Variants in CLSPN observed in about 807,000 individuals in gnomAD.
CLSPN encodes claspin.
A neutral mutation model predicts 156.3 loss-of-function variants in CLSPN; 85 were observed. That is an observed-to-expected ratio of 0.54 (90% CI 0.46 to 0.65). CLSPN has a LOEUF of 0.65. CLSPN is among the 30% of genes least tolerant of loss of function. CLSPN has a pLI of 0.00. For missense variants in CLSPN, 1,407 were observed against 1,554.9 expected, an observed-to-expected ratio of 0.90 and a Z score of 1.60; for synonymous variants, 534 against 542.4, an observed-to-expected ratio of 0.98 and a Z score of 0.22.
In CLSPN at chr1:35,748,449, A is replaced by T; in HGVS notation, c.2428T>A (p.Ser810Thr). 1 of 1,614,084 alleles carries T rather than the reference A, an allele frequency of 6.2e-7. No homozygotes were observed. The highest frequency in any genetic ancestry group is 8.5e-7 in the Non-Finnish European group (1 of 1,180,008). The change falls in exon 13 of 25, where the codon TCC (serine) becomes ACC (threonine). Residue 810 changes from serine (S) to threonine (T), a missense_variant. This residue lies in a region of CLSPN where 1,096 missense variants were observed against 1,193.0 expected (regional missense o/e 0.92). Transcript: ENST00000318121. ...FPTAGGFRSP[S>T]PGLFRASLVS... ...AAACTGGCTCGAAATAGCCCAGGGG[A>T]AGGAGATCTGAATCCTCCTGCTGTA... is the stretch of plus-strand genomic sequence containing the variant.
In CLSPN at chr1:35,735,748, T is replaced by C. The variant is rs1641445476; in HGVS notation, c.*748A>G. 2 of 984,730 alleles carry C rather than the reference T, an allele frequency of 2.0e-6. No individual in the cohort carries two copies. Among genetic ancestry groups the C allele is most frequent in the African/African-American group, 3.5e-5 (2 of 57,258 alleles). The allele number at this position is 984,730 out of a possible 1,614,324, so 61.0% of individuals were successfully genotyped here. A position where few individuals can be genotyped will look rare whatever the true frequency, so the allele number is the denominator to read the frequency against. ...TCTTTCTTTCACCGAGCCCTGGTCA[T>C]CATGGTACGTATCTCATGGGTGTAA... On this transcript the variant is annotated 3_prime_UTR_variant, in exon 25 of 25. Transcript: ENST00000318121.
At position 35,754,512 on chromosome 1, in the gene CLSPN, T is replaced by C. The variant is rs530624117; in HGVS notation, c.1580-576A>G. The stretch of plus-strand genomic sequence containing the variant: ...GGTGAGCACCACCATGCCCAGCTAA[T>C]TTTTTTGTATTTTTAGTAGAGACAG... On this transcript the variant is annotated intron_variant, in intron 8 of 24. Coordinates refer to ENST00000318121, the MANE Select transcript of CLSPN (RefSeq NM_022111.4). 3.3e-5 allele frequency among the ~76,000 whole-genome samples: 5 copies of C among 152,142 alleles called. No individual in the cohort carries two copies. In the South Asian group the frequency reaches 1.0e-3, roughly 32 times the overall value.
At chr1:35,743,416 G>A (rs1641763699) in intron 17 of CLSPN, 39 bp downstream of exon 17, 7 of 1,531,980 alleles carry the variant, frequency 4.6e-6, no homozygotes, top group Non-Finnish European at 6.3e-6. Context: ...AGCAATACAT[G>A]GAGCTCAGTT....
exon 25 of CLSPN, chr1:35,720,820 A>G: frequency 9.2e-7 from 1 of 1,085,154 alleles, no homozygotes; most frequent in Non-Finnish European, 1.4e-6. Flanking sequence ...ACAGAGCCAT[A>G]AAGTCATCAA....
intron 6 of CLSPN, 33 bp downstream of exon 6, chr1:35,761,965 G>C (rs756959374): frequency 1.3e-6 from 2 of 1,491,274 alleles, no homozygotes; most frequent in African/African-American, 1.4e-5. Context: ...GAAATGTTGT[G>C]ATTTTGCCTC....
chr1:35,756,062 T>C (rs1642262422), intron 8 of CLSPN, among the ~76,000 whole-genome samples: 1 of 152,194 alleles, frequency 6.6e-6, no homozygotes, highest in Non-Finnish European at 1.5e-5. Flanking sequence ...AGATGTGTTT[T>C]TTTCCTCTAG....
intron 16 of CLSPN, among the ~76,000 whole-genome samples, chr1:35,743,738 A>G (rs554343294): frequency 2.1e-4 from 32 of 152,046 alleles, no homozygotes; most frequent in East Asian, 1.2e-3. Flanking sequence ...ATCCTCCCAC[A>G]TCAGCCTCCT....
Position 35,735,307 on chromosome 1 carries a change from A to T in CLSPN, c.*1189T>A. ...TTTAAGTCCTTATTAAGCAGCAAAA[A>T]TTAATTCAAAATTTGATGCTGCCTT... is the stretch of plus-strand genomic sequence containing the variant. On this transcript the variant is annotated 3_prime_UTR_variant, in exon 25 of 25. Transcript: ENST00000318121. 3.1e-6 allele frequency: 3 copies of T among 980,822 alleles called. No individual in the cohort carries two copies. 60.8% of individuals were successfully genotyped at this position (980,822 alleles called of 1,614,324 possible).
chr1:35,748,288 C>G, intron 13 of CLSPN, 117 bp downstream of exon 13: 1 of 1,053,624 alleles, frequency 9.5e-7, no homozygotes, highest in East Asian at 2.4e-5. Flanking sequence ...ATTTTTTAAA[C>G]TGAACACACA....
Position 35,746,889 on chromosome 1 carries a change from G to T in CLSPN, c.2731C>A (p.Leu911Met), listed in dbSNP as rs752746697. Residue 911 changes from leucine to methionine, a missense_variant, in exon 15 of 25, where the codon CTG becomes ATG. By Grantham distance (15) the Leu-to-Met change is conservative. Transcript: ENST00000318121. This position sits in a 1 kb window ranked among gnomAD's most constrained non-coding sequence, Gnocchi z 4.2. Reference sequence around the variant, plus strand: ...AACTTTCCAGTACACAAATCCAACAGCTCATCCATGTTGGCATCCATGGCA... The same window carrying T: ...AACTTTCCAGTACACAAATCCAACATCTCATCCATGTTGGCATCCATGGCA... ...ENAMDANMDE[L>M]LDLCTGKFTS... 1.9e-6 allele frequency: 3 copies of T among 1,613,456 alleles called. No individual in the cohort carries two copies. The highest frequency in any genetic ancestry group is 2.5e-6 in the Non-Finnish European group (3 of 1,179,374).
At chr1:35,765,998 T>C (rs923109991) in intron 1 of CLSPN, among the ~76,000 whole-genome samples, 1 of 146,516 alleles carries the variant, frequency 6.8e-6, no homozygotes, top group African/African-American at 2.6e-5. Flanking sequence ...CTCTCTCTTT[T>C]TTTTTTTTTT....
Position 35,764,476 on chromosome 1 carries a change from A to C in CLSPN, c.372T>G (p.Leu124=). ...CTAAGCAAGGTTTCACTTGCGCTTC[A>C]AGATTTTCCTGATACAAAGACTTTT... ...YMEKSLYQEN[L]EAQVKPCLEL... The change falls in exon 3 of 25, where the codon CTT becomes CTG. Residue 124 remains leucine, a synonymous_variant. Transcript: ENST00000318121. 6.2e-7 allele frequency: 1 copy of C among 1,614,096 alleles called. No homozygotes were observed. The highest frequency in any genetic ancestry group is 8.5e-7 in the Non-Finnish European group (1 of 1,180,002).
At chr1:35,724,110 TTTTTA>T (rs1388526586) in intron 24 of CLSPN, among the ~76,000 whole-genome samples, 1 of 152,192 alleles carries the variant, frequency 6.6e-6, no homozygotes, top group African/African-American at 2.4e-5. Context: ...GAGGTGATTT[TTTTTA>T]TTTTAAGAGA....
At chr1:35,753,640 A>T (rs891363920) in intron 9 of CLSPN, 105 bp downstream of exon 9, 1 of 1,121,954 alleles carries the variant, frequency 8.9e-7, no homozygotes, top group African/African-American at 1.6e-5. Context: ...AAAGCCTCCA[A>T]GGAAAAAGAT....
Position 35,748,496 on chromosome 1 carries a change from C to T in CLSPN, c.2381G>A (p.Gly794Asp), listed in dbSNP as rs1454140642. The T allele has an allele frequency of 6.2e-7, 1 of 1,614,110 alleles. No homozygotes were observed. Residue 794 changes from glycine (G) to aspartate (D), a missense_variant, in exon 13 of 25, where the codon GGC becomes GAC. Transcript: ENST00000318121. ...PSYQPCNRQT[G>D]RGTSFFPTAG... ...TGTAGGGAAAAAACTGGTCCCACGG[C>T]CTGTTTGTCTGTTGCAAGGCTGATA...
At chr1:35,743,596 T>A (rs970952901) in intron 16 of CLSPN, 66 bp from the exon 17 acceptor site, 7 of 1,344,068 alleles carry the variant, frequency 5.2e-6, no homozygotes, top group Non-Finnish European at 7.3e-6. Flanking sequence ...GTCAGCCAAG[T>A]TATGAATTAA....
rs1453156431 is a variant in CLSPN at position 35,749,752 on chromosome 1, A to G, written c.2088T>C (p.Asp696=). The part of the protein sequence containing the change: ...EIETKDEKEM[D]KENNDGSSEI... ...CACTACTGCCATCATTATTTTCTTT[A>G]TCCATTTCTTTTTCATCTTTTGTTT... The change falls in exon 11 of 25, where the codon GAT becomes GAC. Residue 696 remains aspartate, a synonymous_variant. Coordinates refer to ENST00000318121, the MANE Select transcript of CLSPN (RefSeq NM_022111.4). 1.2e-6 allele frequency: 2 copies of G among 1,614,014 alleles called. No homozygotes were observed. Among genetic ancestry groups the G allele is most frequent in the East Asian group, 2.2e-5 (1 of 44,874 alleles).
chr1:35,763,956 C>T (rs78083086), intron 3 of CLSPN, among the ~76,000 whole-genome samples: 3,083 of 152,128 alleles, frequency 0.02, 39 homozygotes, highest in Non-Finnish European at 0.029. Flanking sequence ...ACGGCCACCA[C>T]ACCCAACTAA....
chr1:35,741,692 C>G (rs753550313), intron 18 of CLSPN, among the ~76,000 whole-genome samples: 2 of 151,884 alleles, frequency 1.3e-5, no homozygotes, highest in Non-Finnish European at 2.9e-5. Context: ...TGAGTTGGGC[C>G]GGCCAGGTGG....
Sources: allele counts gnomAD v4.1 joint callset (sites outside exome capture counted in the v4.1 genomes callset), GRCh38; gene constraint gnomAD v4.1.1; regional missense constraint gnomAD v4.1.1; non-coding constraint Gnocchi (gnomAD v3.1); transcripts MANE v1.5; gene names NCBI Gene and HGNC (gene_info 2026-07-23, HGNC 2026-07-21).